The following DSCAM variants were observed in gnomAD, a reference collection of about 807,000 sequenced individuals.
DSCAM encodes cell adhesion molecule DSCAM.
Under a neutral mutation model 217.7 loss-of-function variants are expected in DSCAM, and 47 were observed. The ratio of observed to expected loss-of-function variants is 0.22; its 90% CI spans 0.17 to 0.28. DSCAM has a LOEUF of 0.28. DSCAM is among the 10% of genes least tolerant of loss of function. The probability of loss-of-function intolerance (pLI) is 1.00; values close to 1 mark genes in which losing one functional copy is unlikely to be tolerated. For missense variants in DSCAM, 2,080 were observed against 2,618.3 expected (o/e 0.79, Z 4.49); for synonymous variants, 1,056 against 1,015.3 (o/e 1.04, Z -0.76).
chr21:40,229,332 T>A (rs969829159), intron 11 of DSCAM, among the ~76,000 whole-genome samples: 13 of 152,258 alleles, frequency 8.5e-5, no homozygotes, highest in African/African-American at 3.1e-4. Context: ...TCCCATGACC[T>A]CTTAAATGCT....
chr21:40,754,362 A>ACC (rs2091255780), intron 1 of DSCAM, among the ~76,000 whole-genome samples: 1 of 152,232 alleles, frequency 6.6e-6, no homozygotes, highest in Admixed American at 6.5e-5. Flanking sequence ...AGACTCTGTG[A>ACC]CAGGGATTCA....
chr21:40,579,827 C>CAA (rs11410124), intron 3 of DSCAM, among the ~76,000 whole-genome samples: 58 of 150,902 alleles, frequency 3.8e-4, no homozygotes, highest in Admixed American at 9.9e-4. Context: ...AGACCTTCAC[C>CAA]ACAAAAAAAA....
chr21:40,097,882 A>T (rs2089695565), intron 20 of DSCAM, among the ~76,000 whole-genome samples: 1 of 147,524 alleles, frequency 6.8e-6, no homozygotes, highest in African/African-American at 2.5e-5. Flanking sequence ...CGGAGCTTGC[A>T]GTGAGCCAAG....
At chr21:40,211,469 C>G (rs2091183278) in intron 11 of DSCAM, among the ~76,000 whole-genome samples, 1 of 152,206 alleles carries the variant, frequency 6.6e-6, no homozygotes, top group Admixed American at 6.5e-5. Context: ...AAAGAGTTTT[C>G]CAGAATGTCT....
intron 14 of DSCAM, among the ~76,000 whole-genome samples, chr21:40,185,723 T>C (rs533595618): frequency 1.4e-5 from 2 of 144,042 alleles, no homozygotes; most frequent in East Asian, 1.9e-4. Context: ...AAGACCTGTA[T>C]ACATGAACTT....
At chr21:40,298,294 G>A (rs532358264) in intron 9 of DSCAM, among the ~76,000 whole-genome samples, 2 of 152,056 alleles carry the variant, frequency 1.3e-5, no homozygotes, top group Non-Finnish European at 2.9e-5. Context: ...TCTTGGCCAG[G>A]CTGGTCTTGA....
chr21:40,370,291 T>C (rs377632542), intron 3 of DSCAM, among the ~76,000 whole-genome samples: 2 of 151,854 alleles, frequency 1.3e-5, no homozygotes, highest in African/African-American at 4.8e-5. Flanking sequence ...GAGTGCCTCA[T>C]TGCACCTTCC....
At chr21:40,469,065 A>G (rs1295604068) in intron 3 of DSCAM, among the ~76,000 whole-genome samples, 4 of 152,126 alleles carry the variant, frequency 2.6e-5, no homozygotes, top group Non-Finnish European at 5.9e-5. Flanking sequence ...AATAAAGAGA[A>G]TGGCCTCAAC....
chr21:40,337,958 T>C (rs959784083), intron 8 of DSCAM, 143 bp downstream of exon 8: 10 of 1,062,394 alleles, frequency 9.4e-6, no homozygotes, highest in Non-Finnish European at 1.2e-5. Flanking sequence ...AGAGGACATC[T>C]CATGTTCCCT....
intron 11 of DSCAM, among the ~76,000 whole-genome samples, chr21:40,241,928 T>G (rs549561554): frequency 9.3e-4 from 141 of 152,218 alleles, no homozygotes; most frequent in African/African-American, 3.2e-3. Context: ...TTATCACTTA[T>G]AAGTGGGAGC....
chr21:40,391,257 C>T (rs1354614645), intron 3 of DSCAM, among the ~76,000 whole-genome samples: 1 of 152,202 alleles, frequency 6.6e-6, no homozygotes, highest in Non-Finnish European at 1.5e-5. Flanking sequence ...TATTCACTCA[C>T]TTTGGCTTTA....
intron 11 of DSCAM, among the ~76,000 whole-genome samples, chr21:40,193,865 C>A (rs911436565): frequency 1.3e-5 from 2 of 152,194 alleles, no homozygotes; most frequent in Non-Finnish European, 2.9e-5. Flanking sequence ...CCAATGAGAG[C>A]AAGCCAATTC....
intron 11 of DSCAM, among the ~76,000 whole-genome samples, chr21:40,192,353 A>G (rs1274089484): frequency 1.3e-5 from 2 of 152,172 alleles, no homozygotes; most frequent in African/African-American, 2.4e-5. Context: ...TAATTGAATC[A>G]TAGGGGTGGT....
chr21:40,503,485 A>T (rs1161338180), intron 3 of DSCAM, among the ~76,000 whole-genome samples: 2 of 152,208 alleles, frequency 1.3e-5, no homozygotes, highest in Non-Finnish European at 2.9e-5. Flanking sequence ...CACTTATAAC[A>T]AGACTAGCAC....
At chr21:40,165,600 G>T (rs915945334) in intron 16 of DSCAM, among the ~76,000 whole-genome samples, 2 of 152,216 alleles carry the variant, frequency 1.3e-5, no homozygotes, top group African/African-American at 4.8e-5. Flanking sequence ...GCTTTCTACA[G>T]AGAGAGAAAG....
rs577256384 is a variant in DSCAM, at chr21:40,205,854, G to C, written c.2357-16616C>G. Among the ~76,000 whole-genome samples the C allele has an allele frequency of 2.6e-5, 4 of 152,278 alleles. No individual in the cohort carries two copies. In the South Asian group the frequency reaches 8.3e-4, roughly 32 times the overall value. ...CAAGGATAGTAAATAATGTTTAAAA[G>C]CATCACCTATAGTTTCTCCTGAAGA... On this transcript the variant is annotated intron_variant, in intron 11 of 32. Coordinates refer to ENST00000400454, the MANE Select transcript of DSCAM (RefSeq NM_001389.5).
At chr21:40,265,888 C>A (rs77341434) in intron 11 of DSCAM, among the ~76,000 whole-genome samples, 4,908 of 152,184 alleles carry the variant, frequency 0.032, 289 homozygotes, top group African/African-American at 0.11. Flanking sequence ...AAATATAAAA[C>A]CTGAAACCAT....
At chr21:40,065,993 T>G (rs1423360179) in intron 27 of DSCAM, among the ~76,000 whole-genome samples, 3 of 152,352 alleles carry the variant, frequency 2.0e-5, no homozygotes, top group African/African-American at 7.2e-5. Flanking sequence ...TGCCACTTTC[T>G]GCAGAGAGCC....
At chr21:40,793,615 C>T (rs970982764) in intron 1 of DSCAM, among the ~76,000 whole-genome samples, 6 of 151,972 alleles carry the variant, frequency 3.9e-5, no homozygotes, top group Non-Finnish European at 8.8e-5. Context: ...CTCAGCCTCC[C>T]GGGTAGCTGG....
Sources: gnomAD v4.1 joint callset for allele counts (sites outside exome capture counted in the v4.1 genomes callset) on GRCh38, gnomAD v4.1.1 for gene constraint, MANE v1.5 for transcripts, NCBI Gene and HGNC (gene_info 2026-07-23, HGNC 2026-07-21) for gene names.